DMD: variants seen among roughly 807,000 people sequenced by gnomAD.
DMD encodes dystrophin.
Under a neutral mutation model 330.1 loss-of-function variants are expected in DMD, and 63 were observed. The observed-to-expected ratio is 0.19, with a 90% confidence interval of 0.16 to 0.24. The LOEUF is 0.24. DMD is among the 10% of genes least tolerant of loss of function. DMD has a pLI of 1.00. For missense variants in DMD, 3,344 were observed against 2,684.1 expected, an observed-to-expected ratio of 1.25 and a Z score of -5.43; for synonymous variants, 1,223 against 959.8, an observed-to-expected ratio of 1.27 and a Z score of -5.07.
intron 1 of DMD, among the ~76,000 whole-genome samples, chrX:33,176,086 T>C (rs2049633576): frequency 9.0e-6 from 1 of 111,314 alleles, no homozygotes; most frequent in Admixed American, 9.6e-5. Context: ...GCCTTTCGCA[T>C]AGACATCTGA....
Position 33,166,188 on chromosome X carries a change from G to C in DMD, c.31+45094C>G, listed in dbSNP as rs150871551. ...TATAATGGAGTGATTGATATAGTTT[G>C]AATAGTAGTCTAGGTGTTAGAAAGA... On this transcript the variant is annotated intron_variant, in intron 1 of 78. Transcript: ENST00000357033. 6.2e-3 allele frequency among the ~76,000 whole-genome samples: 683 copies of C among 110,963 alleles called. 1 individual carries two copies. Among genetic ancestry groups the C allele is most frequent in the African/African-American group, 0.021 (654 of 30,617 alleles).
intron 1 of DMD, among the ~76,000 whole-genome samples, chrX:33,091,595 A>G (rs1206442597): frequency 8.9e-6 from 1 of 111,969 alleles, no homozygotes; most frequent in East Asian, 2.8e-4. Context: ...TGGACAAATA[A>G]TGTCTTGTAA....
chrX:32,144,513 G>A (rs1200851326), intron 44 of DMD, among the ~76,000 whole-genome samples: 1 of 111,503 alleles, frequency 9.0e-6, no homozygotes, highest in Non-Finnish European at 1.9e-5. Flanking sequence ...GCACTTTAAA[G>A]TAATACATAC....
intron 78 of DMD, 62 bp from the exon 79 acceptor site, chrX:31,121,992 T>A (rs1341936425): frequency 1.1e-6 from 1 of 881,180 alleles, no homozygotes; most frequent in Non-Finnish European, 1.7e-6. Context: ...AGCATCACTC[T>A]GTTTCTTTGC....
intron 1 of DMD, among the ~76,000 whole-genome samples, chrX:33,113,061 T>C (rs1407307269): frequency 9.2e-6 from 1 of 109,080 alleles, no homozygotes. Flanking sequence ...TTACTTTTTT[T>C]TTTTTTTTTG....
rs190838493 is a variant in DMD, at chrX:32,685,226, A to G, written c.960+12644T>C. ...TAATCACCTAGCTCACCTGAAATTTAAATTATAAAGTAGAAGTAGAAGAAT... is the reference window on the plus strand; with the variant it reads ...TAATCACCTAGCTCACCTGAAATTTGAATTATAAAGTAGAAGTAGAAGAAT... On this transcript the variant is annotated intron_variant, in intron 9 of 78. Coordinates refer to ENST00000357033, the MANE Select transcript of DMD (RefSeq NM_004006.3). Among the ~76,000 whole-genome samples, 6 of 111,491 alleles carry G rather than the reference A, an allele frequency of 5.4e-5. No individual in the cohort carries two copies. In the East Asian group the frequency reaches 1.7e-3, roughly 31 times the overall value.
chrX:32,434,120 G>T (rs1603633393), intron 29 of DMD, among the ~76,000 whole-genome samples: 1 of 112,265 alleles, frequency 8.9e-6, no homozygotes, highest in African/African-American at 3.2e-5. Context: ...TAAAAGTCTG[G>T]CTGTTTGACT....
intron 7 of DMD, among the ~76,000 whole-genome samples, chrX:32,723,514 T>C (rs905158223): frequency 9.0e-6 from 1 of 111,486 alleles, no homozygotes; most frequent in African/African-American, 3.3e-5. Flanking sequence ...CTTTAAATGT[T>C]TGGAAGAAAT....
chrX:33,053,439 T>A (rs2094481520), intron 1 of DMD, among the ~76,000 whole-genome samples: 1 of 109,047 alleles, frequency 9.2e-6, no homozygotes, highest in Non-Finnish European at 1.9e-5. Flanking sequence ...ACTAAAAAAA[T>A]ACAAAAATTA....
At chrX:32,293,876 T>C (rs932998094) in intron 42 of DMD, among the ~76,000 whole-genome samples, 1 of 111,672 alleles carries the variant, frequency 9.0e-6, no homozygotes, top group Non-Finnish European at 1.9e-5. Flanking sequence ...TAATACCTGT[T>C]ATTAATGCCC....
intron 59 of DMD, among the ~76,000 whole-genome samples, chrX:31,448,622 G>T (rs1054959387): frequency 2.7e-5 from 3 of 112,440 alleles, no homozygotes; most frequent in African/African-American, 9.7e-5. Flanking sequence ...AATACGAGGT[G>T]CTATTTAAGT....
intron 37 of DMD, among the ~76,000 whole-genome samples, chrX:32,358,408 TCTC>T (rs776965721): frequency 1.8e-5 from 2 of 111,505 alleles, no homozygotes; most frequent in Non-Finnish European, 3.8e-5. Context: ...ACAAGGAGTC[TCTC>T]CTCATTGATT....
intron 1 of DMD, among the ~76,000 whole-genome samples, chrX:33,052,894 T>C (rs762704647): frequency 9.0e-6 from 1 of 111,432 alleles, no homozygotes; most frequent in Non-Finnish European, 1.9e-5. Context: ...AACTATGCAT[T>C]GTATGTCTGT....
chrX:32,074,487 G>C (rs1365227989), intron 44 of DMD, among the ~76,000 whole-genome samples: 1 of 112,138 alleles, frequency 8.9e-6, no homozygotes, highest in Non-Finnish European at 1.9e-5. Flanking sequence ...TGGCACACAA[G>C]CTAAGAATGG....
chrX:32,707,354 C>T (rs908036289), intron 7 of DMD, among the ~76,000 whole-genome samples: 1 of 111,769 alleles, frequency 8.9e-6, no homozygotes, highest in Non-Finnish European at 1.9e-5. Flanking sequence ...AAGCCCTCTT[C>T]GCTGGGATAG....
At chrX:32,029,306 C>T (rs999993076) in intron 44 of DMD, among the ~76,000 whole-genome samples, 2 of 111,358 alleles carry the variant, frequency 1.8e-5, no homozygotes, top group African/African-American at 6.5e-5. Flanking sequence ...ATAAATCAAT[C>T]CAAGATACAA....
At chrX:31,650,450 T>C (rs1036068599) in intron 54 of DMD, among the ~76,000 whole-genome samples, 1 of 111,622 alleles carries the variant, frequency 9.0e-6, no homozygotes, top group East Asian at 2.8e-4. Flanking sequence ...ATCTGATGAA[T>C]TGTTTCATTC....
At chrX:32,697,767 A>C in intron 9 of DMD, 103 bp downstream of exon 9, 1 of 1,086,594 alleles carries the variant, frequency 9.2e-7, no homozygotes. Flanking sequence ...GCTCTTCACG[A>C]GGAGATAAAA....
intron 7 of DMD, among the ~76,000 whole-genome samples, chrX:32,785,960 G>A (rs1023815507): frequency 6.5e-4 from 71 of 110,077 alleles, no homozygotes; most frequent in African/African-American, 2.2e-3. Context: ...CCCCACTTCT[G>A]GCTGTCTCTT....
Sources: allele counts gnomAD v4.1 joint callset (sites outside exome capture counted in the v4.1 genomes callset), GRCh38; gene constraint gnomAD v4.1.1; transcripts MANE v1.5; gene names NCBI Gene and HGNC (gene_info 2026-07-23, HGNC 2026-07-21).